Variants in MYRIP observed in about 807,000 individuals in gnomAD.
MYRIP encodes rab effector MyRIP.
In MYRIP, 49 loss-of-function variants were observed where a neutral mutation model predicts 98.0. The ratio of observed to expected loss-of-function variants is 0.50; its 90% CI spans 0.40 to 0.63. The LOEUF is 0.63. Among genes scored for constraint, MYRIP ranks in the 30% least tolerant of loss-of-function variants. The pLI is 0.00. For synonymous variants in MYRIP, 404 were observed against 409.5 expected (o/e 0.99, Z 0.16); for missense variants, 1,004 against 1,058.2 (o/e 0.95, Z 0.71).
intron 3 of MYRIP, among the ~76,000 whole-genome samples, chr3:40,104,399 T>C (rs919794451): frequency 6.6e-6 from 1 of 152,214 alleles, no homozygotes; most frequent in Non-Finnish European, 1.5e-5. Flanking sequence ...AGAATTCTTA[T>C]GTCCATCTTT....
chr3:40,098,781 T>TGTGTGTGTGTGTGTGTGTGTGTGTG (rs1182568507), intron 3 of MYRIP, among the ~76,000 whole-genome samples: 1 of 150,630 alleles, frequency 6.6e-6, no homozygotes, highest in Non-Finnish European at 1.5e-5. Context: ...TGTGTGTGTC[T>TGTGTGTGTGTGTGTGTGTGTGTGTG]TCTTACAGAT....
intron 1 of MYRIP, among the ~76,000 whole-genome samples, chr3:39,814,118 C>A (rs915637640): frequency 1.4e-4 from 22 of 152,264 alleles, no homozygotes; most frequent in Middle Eastern, 3.4e-3. Context: ...GTGTCTTGGG[C>A]ATATATCCTC....
At chr3:39,811,571 G>C (rs77825791) in intron 1 of MYRIP, among the ~76,000 whole-genome samples, 7,844 of 151,950 alleles carry the variant, frequency 0.052, 685 homozygotes, top group African/African-American at 0.18. Flanking sequence ...GGGCAGCTGC[G>C]TCTCTCCTAA....
intron 11 of MYRIP, among the ~76,000 whole-genome samples, chr3:40,218,161 A>G (rs143882801): frequency 8.1e-4 from 124 of 152,262 alleles, no homozygotes; most frequent in Middle Eastern, 3.4e-3. Flanking sequence ...ATAAAGACCT[A>G]TGTCCACACA....
At chr3:39,980,684 AC>A (rs1553653560) in intron 2 of MYRIP, among the ~76,000 whole-genome samples, 2 of 152,170 alleles carry the variant, frequency 1.3e-5, no homozygotes, top group Non-Finnish European at 2.9e-5. Flanking sequence ...TGCTTTAGTT[AC>A]CTTGTCCTGG....
At chr3:39,917,931 T>G (rs1944202920) in intron 2 of MYRIP, among the ~76,000 whole-genome samples, 1 of 151,888 alleles carries the variant, frequency 6.6e-6, no homozygotes, top group South Asian at 2.1e-4. Flanking sequence ...TCCATTCTTT[T>G]TTTTTTTTTG....
chr3:40,219,850 A>C (rs929531713), intron 11 of MYRIP, among the ~76,000 whole-genome samples: 3 of 151,158 alleles, frequency 2.0e-5, no homozygotes, highest in Non-Finnish European at 4.4e-5. Flanking sequence ...GTATATACCC[A>C]GTAATGGGAT....
rs117907590 is a variant in MYRIP, at chr3:40,184,215, C to T, written c.1027+1842C>T. On this transcript the variant is annotated intron_variant, in intron 9 of 16. Coordinates refer to ENST00000302541, the MANE Select transcript of MYRIP (RefSeq NM_015460.4). ...TTCTTCCTCATTTTCTCACTTCTCT[C>T]TCTTTCTCTATGGATTGCAAATGCA... 2.0e-5 allele frequency among the ~76,000 whole-genome samples: 3 copies of T among 152,322 alleles called. No homozygotes were observed. The East Asian group carries it at 5.8e-4, about 29-fold the overall frequency.
chr3:40,114,327 A>G (rs1338141257), intron 3 of MYRIP, among the ~76,000 whole-genome samples: 5 of 152,230 alleles, frequency 3.3e-5, no homozygotes, highest in African/African-American at 1.2e-4. Flanking sequence ...AGGCCATACC[A>G]TGTAGCCTAA....
chr3:39,829,831 A>T (rs1941387475), intron 1 of MYRIP, among the ~76,000 whole-genome samples: 2 of 152,196 alleles, frequency 1.3e-5, no homozygotes, highest in Non-Finnish European at 2.9e-5. Flanking sequence ...GCCTGGCACC[A>T]AACTCACAAT....
At chr3:40,002,364 A>C (rs201624972) in intron 2 of MYRIP, among the ~76,000 whole-genome samples, 1 of 151,998 alleles carries the variant, frequency 6.6e-6, no homozygotes, top group African/African-American at 2.4e-5. Context: ...GTGAAACCCC[A>C]TCTCTACTAA....
chr3:39,892,184 G>C (rs1350321453), intron 1 of MYRIP, among the ~76,000 whole-genome samples: 1 of 152,072 alleles, frequency 6.6e-6, no homozygotes, highest in Non-Finnish European at 1.5e-5. Flanking sequence ...AATAGGGTGA[G>C]GGTTTAGAAT....
intron 2 of MYRIP, among the ~76,000 whole-genome samples, chr3:40,035,456 T>G (rs1947359283): frequency 6.6e-6 from 1 of 151,880 alleles, no homozygotes; most frequent in South Asian, 2.1e-4. Flanking sequence ...TGACTGGAGA[T>G]TATCTTAATC....
intron 2 of MYRIP, among the ~76,000 whole-genome samples, chr3:39,995,507 A>T (rs1301902488): frequency 6.6e-6 from 1 of 152,164 alleles, no homozygotes; most frequent in African/African-American, 2.4e-5. Flanking sequence ...AAAGAAACAA[A>T]CAGAGCCTCC....
intron 2 of MYRIP, among the ~76,000 whole-genome samples, chr3:40,014,274 T>G (rs1487005550): frequency 1.3e-5 from 2 of 152,194 alleles, no homozygotes; most frequent in Non-Finnish European, 2.9e-5. Flanking sequence ...TTTATTTGAA[T>G]TTTTTCCCTG....
chr3:40,044,955 AT>A (rs1362596444), intron 3 of MYRIP, among the ~76,000 whole-genome samples: 1 of 152,196 alleles, frequency 6.6e-6, no homozygotes, highest in African/African-American at 2.4e-5. Flanking sequence ...TCTGTTGAGT[AT>A]TTGGAAACTG....
intron 2 of MYRIP, among the ~76,000 whole-genome samples, chr3:40,007,499 A>C (rs1432198388): frequency 6.6e-6 from 1 of 152,128 alleles, no homozygotes; most frequent in African/African-American, 2.4e-5. Context: ...TCTTGATTCA[A>C]ACTCCCTCCA....
At position 40,114,460 on chromosome 3, in the gene MYRIP, T is replaced by C. The variant is rs144924999; in HGVS notation, c.333-36588T>C. On this transcript the variant is annotated intron_variant, in intron 3 of 16. Transcript: ENST00000302541. ...CTTCATCATTAAGTGATAATGACTG[T>C]ATACCATAGCTAACATCAAAAGACA... Among the ~76,000 whole-genome samples the C allele has an allele frequency of 3.3e-5, 5 of 152,372 alleles. No individual in the cohort carries two copies. The East Asian group carries it at 9.6e-4, about 29-fold the overall frequency.
At chr3:40,257,701 G>T (rs1480133869) in intron 16 of MYRIP, among the ~76,000 whole-genome samples, 1 of 152,096 alleles carries the variant, frequency 6.6e-6, no homozygotes, top group African/African-American at 2.4e-5. Flanking sequence ...AAATTACAAA[G>T]ATTTTCCTCC....
Sources: allele counts gnomAD v4.1 joint callset (sites outside exome capture counted in the v4.1 genomes callset), GRCh38; gene constraint gnomAD v4.1.1; transcripts MANE v1.5; gene names NCBI Gene and HGNC (gene_info 2026-07-23, HGNC 2026-07-21).